The following THOC7 variants were observed in gnomAD, a reference collection of about 807,000 sequenced individuals.
THOC7 encodes the protein NIF3L1-binding protein 1.
THOC7 carries 22 observed loss-of-function variants against 33.1 expected under a neutral mutation model. The observed-to-expected ratio is 0.66, with a 90% CI of 0.47 to 0.95. The LOEUF (loss-of-function observed/expected upper bound fraction) is 0.95, where lower values mean the gene tolerates loss of function less well. THOC7 is among the 40% of genes least tolerant of loss of function. The pLI is 0.00. For synonymous variants in THOC7, 77 were observed against 76.8 expected (o/e 1.00, Z -0.01); for missense variants, 184 against 245.3 (o/e 0.75, Z 1.67).
Position 63,839,787 on chromosome 3 carries a change from G to C in THOC7, c.20-14C>G. ...GTATAACTTCGTCTGCAGGAAAGAA[G>C]GGCAATGTTACCATCTGGCTCTTGG... On this transcript the variant is annotated splice_polypyrimidine_tract_variant and intron_variant, in intron 1 of 7. Transcript: ENST00000295899. 1 of 1,607,324 alleles carries C rather than the reference G, an allele frequency of 6.2e-7. No homozygotes were observed. The highest frequency in any genetic ancestry group is 8.5e-7 in the Non-Finnish European group (1 of 1,174,642).
chr3:63,837,645 T>C (rs1701661629), intron 4 of THOC7, among the ~76,000 whole-genome samples: 1 of 151,918 alleles, frequency 6.6e-6, no homozygotes, highest in Non-Finnish European at 1.5e-5. Flanking sequence ...TTTATGTAAA[T>C]TGCCTCTGCT....
chr3:63,835,265 T>C, intron 6 of THOC7, 42 bp from the exon 7 acceptor site: 2 of 1,612,146 alleles, frequency 1.2e-6, no homozygotes, highest in Non-Finnish European at 1.7e-6. Context: ...GACCTGTATA[T>C]ATAGATATAT....
rs556508462 is a variant in THOC7 at position 63,856,828 on chromosome 3, CT to C, written c.19+6943del. Among the ~76,000 whole-genome samples, 696 of 152,250 alleles carry C rather than the reference CT, an allele frequency of 4.6e-3. 2 individuals are homozygous for C. The highest frequency in any genetic ancestry group is 7.8e-3 in the Non-Finnish European group (528 of 68,016). ...CGCCTCCCAGGTTCATGCCACTCTA[CT>C]GCCTCAGCCTCCCAAGTAGCTGGGA... On this transcript the variant is annotated intron_variant, in intron 1 of 7. Coordinates refer to ENST00000295899, the MANE Select transcript of THOC7 (RefSeq NM_025075.4).
rs1701679061 is a variant in THOC7, at chr3:63,838,422, T to C, written c.215A>G (p.Asp72Gly). The change falls in exon 3 of 8, where the codon GAT becomes GGT. Residue 72 changes from aspartate to glycine, a missense_variant. Around this residue, in one of 3 missense-constraint regions of THOC7, gnomAD observed 157 missense variants for 201.3 expected, o/e 0.78. Coordinates refer to ENST00000295899, the MANE Select transcript of THOC7 (RefSeq NM_025075.4). ...ATTTTCCATTTCTCTGAGATTCATATCATATACTAGTAAAGTTTTGCCCAT... is the reference window on the plus strand; with the variant it reads ...ATTTTCCATTTCTCTGAGATTCATACCATATACTAGTAAAGTTTTGCCCAT... ...FSMGKTLLVYDMNLREMENYE... is the reference protein window; with the variant it reads ...FSMGKTLLVYGMNLREMENYE... The C allele has an allele frequency of 1.9e-6, 3 of 1,599,534 alleles. No individual in the cohort carries two copies. The highest frequency in any genetic ancestry group is 1.3e-5 in the African/African-American group (1 of 74,514).
At chr3:63,856,295 A>T (rs553347383) in intron 1 of THOC7, among the ~76,000 whole-genome samples, 1 of 152,216 alleles carries the variant, frequency 6.6e-6, no homozygotes, top group South Asian at 2.1e-4. Context: ...ATGCTTAATT[A>T]GTACAAAAAC....
At chr3:63,860,554 T>C (rs1702189481) in intron 1 of THOC7, 1 of 152,172 alleles carries the variant, frequency 6.6e-6, no homozygotes, top group Non-Finnish European at 1.5e-5. Flanking sequence ...GCATCTAAGA[T>C]TGCCTTCTCT....
At chr3:63,859,030 T>G (rs534280721) in intron 1 of THOC7, among the ~76,000 whole-genome samples, 5 of 152,308 alleles carry the variant, frequency 3.3e-5, no homozygotes, top group African/African-American at 1.2e-4. Context: ...GTAAAAGACA[T>G]TGGCTCTTAT....
Position 63,835,311 on chromosome 3 carries a change from T to G in THOC7, c.477+13A>C. 6.2e-7 allele frequency: 1 copy of G among 1,613,474 alleles called. No homozygotes were observed. On this transcript the variant is annotated intron_variant, in intron 6 of 7. Transcript: ENST00000295899. ...ATAGACAGATCATGAAGGCTAAATA[T>G]ATATGCGAATACCTTATCTTCAACA...
chr3:63,834,308 AAGATGG>A, intron 7 of THOC7, 109 bp from the exon 8 acceptor site: 1 of 1,032,002 alleles, frequency 9.7e-7, no homozygotes, highest in Non-Finnish European at 1.4e-6. Context: ...AATTAAAGCT[AAGATGG>A]CTACTAGTTG....
At chr3:63,838,185 T>C in intron 3 of THOC7, 123 bp from the exon 4 acceptor site, 18 of 1,012,984 alleles carry the variant, frequency 1.8e-5, no homozygotes, top group East Asian at 2.6e-5. Flanking sequence ...TTTTAAAAAA[T>C]AGCTGTAACC....
At chr3:63,852,727 A>C (rs1027990622) in intron 1 of THOC7, among the ~76,000 whole-genome samples, 9 of 152,202 alleles carry the variant, frequency 5.9e-5, no homozygotes, top group African/African-American at 1.9e-4. Flanking sequence ...CATGGGCCAG[A>C]ATTTTTAGGA....
chr3:63,856,539 A>G (rs887402970), intron 1 of THOC7, among the ~76,000 whole-genome samples: 2 of 152,060 alleles, frequency 1.3e-5, no homozygotes, highest in African/African-American at 4.8e-5. Flanking sequence ...ATATCACTTA[A>G]AAAAAATTTT....
At chr3:63,839,938 T>A (rs1469575098) in intron 1 of THOC7, among the ~76,000 whole-genome samples, 165 bp from the exon 2 acceptor site, 1 of 152,156 alleles carries the variant, frequency 6.6e-6, no homozygotes, top group Non-Finnish European at 1.5e-5. Flanking sequence ...AAATGGTAAA[T>A]TTTATGTTAT....
Position 63,835,240 on chromosome 3 carries a change from A to T in THOC7, c.478-17T>A. 2 of 1,613,538 alleles carry T rather than the reference A, an allele frequency of 1.2e-6. No homozygotes were observed. The highest frequency in any genetic ancestry group is 1.7e-6 in the Non-Finnish European group (2 of 1,179,720). ...CAATTCCAGCTGTGTTAACAAGAAA[A>T]AAATTTATACAAATGACCTGTATAT... is the stretch of plus-strand genomic sequence containing the variant. On this transcript the variant is annotated splice_polypyrimidine_tract_variant and intron_variant, in intron 6 of 7. Transcript: ENST00000295899.
chr3:63,846,790 T>C (rs573550357), intron 1 of THOC7, among the ~76,000 whole-genome samples: 203 of 152,152 alleles, frequency 1.3e-3, no homozygotes, highest in Middle Eastern at 3.4e-3. Context: ...GAGCCCCACA[T>C]GGATGAAAGA....
intron 7 of THOC7, 75 bp from the exon 8 acceptor site, chr3:63,834,274 T>C (rs996347692): frequency 1.4e-6 from 2 of 1,430,354 alleles, no homozygotes; most frequent in Non-Finnish European, 9.8e-7. Flanking sequence ...CATGAAAACA[T>C]GTTTATCCTT....
At chr3:63,842,218 T>C (rs1471468076) in intron 1 of THOC7, among the ~76,000 whole-genome samples, 1 of 152,156 alleles carries the variant, frequency 6.6e-6, no homozygotes, top group East Asian at 1.9e-4. Context: ...GAAAAAATTC[T>C]CAACATCACT....
At chr3:63,851,601 C>G (rs1301020349) in intron 1 of THOC7, among the ~76,000 whole-genome samples, 2 of 152,156 alleles carry the variant, frequency 1.3e-5, no homozygotes, top group Admixed American at 6.5e-5. Context: ...TAATGAAGTT[C>G]CTTCTACTTT....
intron 1 of THOC7, among the ~76,000 whole-genome samples, chr3:63,858,987 A>G (rs1702160352): frequency 1.3e-5 from 2 of 152,220 alleles, no homozygotes. Context: ...AATGGATTAC[A>G]TGAAGGGACA....
Sources: gnomAD v4.1 joint callset for allele counts (sites outside exome capture counted in the v4.1 genomes callset) on GRCh38, gnomAD v4.1.1 for gene constraint, gnomAD v4.1.1 regional missense constraint, MANE v1.5 for transcripts, NCBI Gene and HGNC (gene_info 2026-07-23, HGNC 2026-07-21) for gene names.